The following HMBOX1 variants were observed in gnomAD, a reference collection of about 807,000 sequenced individuals.
HMBOX1 encodes homeobox-containing protein 1.
Under a neutral mutation model 54.5 loss-of-function variants are expected in HMBOX1, and 14 were observed. The observed-to-expected ratio is 0.26, with a 90% CI of 0.17 to 0.40. The LOEUF (loss-of-function observed/expected upper bound fraction) is 0.40, where lower values mean the gene tolerates loss of function less well. HMBOX1 is among the 10% of genes least tolerant of loss of function. The pLI is 1.00. For missense variants in HMBOX1, 332 were observed against 514.4 expected (o/e 0.65, Z 3.43); for synonymous variants, 160 against 181.0 (o/e 0.88, Z 0.93).
intron 1 of HMBOX1, among the ~76,000 whole-genome samples, chr8:28,937,460 A>ATTTTTGTTCTTCCATTAAAAAAAGTCC (rs1268392968): frequency 6.6e-6 from 1 of 152,152 alleles, no homozygotes; most frequent in Non-Finnish European, 1.5e-5. Flanking sequence ...TGGCTCTGAA[A>ATTTTTGTTCTTCCATTAAAAAAAGTCC]TTTTTGTTCT....
chr8:28,947,373 T>C (rs894828812), intron 1 of HMBOX1, among the ~76,000 whole-genome samples: 6 of 152,354 alleles, frequency 3.9e-5, no homozygotes, highest in Admixed American at 2.0e-4. Context: ...TTCTGAATTA[T>C]ATATTAGCAT....
intron 1 of HMBOX1, among the ~76,000 whole-genome samples, chr8:28,906,355 C>G (rs1814332550): frequency 6.6e-6 from 1 of 152,114 alleles, no homozygotes; most frequent in Non-Finnish European, 1.5e-5. Context: ...TGAGTTAACT[C>G]TTAGTTAATG....
At chr8:29,034,385 A>G (rs774601939) in intron 6 of HMBOX1, among the ~76,000 whole-genome samples, 3 of 152,320 alleles carry the variant, frequency 2.0e-5, no homozygotes, top group Middle Eastern at 6.8e-3. Flanking sequence ...TGACATTATT[A>G]TGTAATTGTC....
At chr8:28,951,397 C>A (rs868006400) in intron 1 of HMBOX1, among the ~76,000 whole-genome samples, 8 of 152,194 alleles carry the variant, frequency 5.3e-5, no homozygotes, top group South Asian at 2.1e-4. Flanking sequence ...TCCCAAAGTG[C>A]TGGGATTACA....
intron 1 of HMBOX1, among the ~76,000 whole-genome samples, chr8:28,960,769 T>C (rs1177738647): frequency 2.6e-4 from 11 of 42,996 alleles, no homozygotes; most frequent in African/African-American, 1.1e-3. Context: ...CTTTTTCTTT[T>C]TTTTTTTTTT....
At chr8:28,980,690 T>A (rs1241732883) in intron 4 of HMBOX1, among the ~76,000 whole-genome samples, 4 of 152,064 alleles carry the variant, frequency 2.6e-5, no homozygotes, top group Non-Finnish European at 5.9e-5. Context: ...CCATCCCTAG[T>A]ATGTGGTGTA....
intron 1 of HMBOX1, among the ~76,000 whole-genome samples, chr8:28,934,618 G>A (rs530612509): frequency 6.6e-6 from 1 of 152,246 alleles, no homozygotes; most frequent in Admixed American, 6.5e-5. Context: ...AAAGTCACAG[G>A]ATACATGAAA....
intron 1 of HMBOX1, among the ~76,000 whole-genome samples, chr8:28,929,782 A>G (rs961495178): frequency 1.3e-5 from 2 of 152,122 alleles, no homozygotes; most frequent in African/African-American, 4.8e-5. Context: ...ACTCTTGACT[A>G]TTTTAAAGTG....
At chr8:28,933,104 A>G (rs1819756517) in intron 1 of HMBOX1, among the ~76,000 whole-genome samples, 1 of 152,146 alleles carries the variant, frequency 6.6e-6, no homozygotes, top group Admixed American at 6.5e-5. Context: ...AGAAGGGGAA[A>G]GTCACATTGT....
chr8:29,043,683 G>C (rs1356161494), intron 6 of HMBOX1, among the ~76,000 whole-genome samples: 3 of 152,222 alleles, frequency 2.0e-5, no homozygotes, highest in Admixed American at 2.0e-4. Context: ...TTCTGATTTA[G>C]TAAGTCTGAG....
At chr8:28,962,187 A>G (rs374119717) in intron 1 of HMBOX1, among the ~76,000 whole-genome samples, 1 of 152,184 alleles carries the variant, frequency 6.6e-6, no homozygotes, top group Non-Finnish European at 1.5e-5. Context: ...GAAGAGCTTT[A>G]TGAAATTGAG....
chr8:28,915,384 C>T (rs552455548), intron 1 of HMBOX1, among the ~76,000 whole-genome samples: 1 of 151,506 alleles, frequency 6.6e-6, no homozygotes, highest in Non-Finnish European at 1.5e-5. Flanking sequence ...GGTGAAACCC[C>T]GTCTCTACTA....
intron 5 of HMBOX1, among the ~76,000 whole-genome samples, chr8:29,014,687 T>A (rs916497500): frequency 6.6e-6 from 1 of 152,242 alleles, no homozygotes. Context: ...TTCTTTTTTT[T>A]CCCCCACCCC....
intron 1 of HMBOX1, among the ~76,000 whole-genome samples, chr8:28,939,599 C>G (rs566129528): frequency 6.6e-5 from 10 of 151,968 alleles, no homozygotes; most frequent in African/African-American, 1.7e-4. Context: ...TCTCCGCCCC[C>G]CCTGGGTTCA....
At chr8:28,908,345 T>C (rs754801615) in intron 1 of HMBOX1, among the ~76,000 whole-genome samples, 1 of 152,244 alleles carries the variant, frequency 6.6e-6, no homozygotes, top group Non-Finnish European at 1.5e-5. Context: ...AAACCTACTT[T>C]TTTAAGGGAA....
intron 4 of HMBOX1, among the ~76,000 whole-genome samples, chr8:28,982,790 T>G (rs1459841811): frequency 6.6e-6 from 1 of 152,108 alleles, no homozygotes; most frequent in Non-Finnish European, 1.5e-5. Context: ...CACGCCCAGC[T>G]AATTTTTGTG....
intron 5 of HMBOX1, among the ~76,000 whole-genome samples, chr8:29,016,875 GAC>G (rs1308451358): frequency 2.0e-5 from 3 of 152,228 alleles, no homozygotes; most frequent in African/African-American, 7.2e-5. Flanking sequence ...TCCTTGAAGT[GAC>G]ATACCATCAC....
intron 4 of HMBOX1, among the ~76,000 whole-genome samples, chr8:28,997,793 C>T (rs936097210): frequency 6.6e-6 from 1 of 152,152 alleles, no homozygotes; most frequent in Non-Finnish European, 1.5e-5. Context: ...TCAAGTGATC[C>T]TCCCTCCTTG....
intron 1 of HMBOX1, among the ~76,000 whole-genome samples, chr8:28,895,028 CTA>C (rs1038986491): frequency 6.6e-6 from 1 of 151,694 alleles, no homozygotes; most frequent in Non-Finnish European, 1.5e-5. Context: ...ATGGGTGACA[CTA>C]GACTCCTTCC....
Sources: allele counts gnomAD v4.1 joint callset (sites outside exome capture counted in the v4.1 genomes callset), GRCh38; gene constraint gnomAD v4.1.1; transcripts MANE v1.5; gene names NCBI Gene and HGNC (gene_info 2026-07-23, HGNC 2026-07-21).